LARGE1: variants seen among roughly 807,000 people sequenced by gnomAD.
LARGE1 encodes the protein LARGE xylosyl- and glucuronyltransferase 1.
LARGE1 carries 43 observed loss-of-function variants against 87.6 expected under a neutral mutation model. The observed-to-expected ratio is 0.49, with a 90% CI of 0.38 to 0.63. LARGE1 has a LOEUF of 0.63. Among genes scored for constraint, LARGE1 ranks in the 30% least tolerant of loss-of-function variants. LARGE1 has a pLI of 0.00. For missense variants in LARGE1, 802 were observed against 1,000.2 expected, an observed-to-expected ratio of 0.80 and a Z score of 2.67; for synonymous variants, 434 against 394.6, an observed-to-expected ratio of 1.10 and a Z score of -1.18.
chr22:33,474,320 T>A (rs1015785776), intron 6 of LARGE1, among the ~76,000 whole-genome samples: 1 of 152,150 alleles, frequency 6.6e-6, no homozygotes, highest in Non-Finnish European at 1.5e-5. Context: ...TGCACCACCA[T>A]GCCTGGCTAA....
chr22:33,096,193 A>T, the LARGE1 span, among the ~76,000 whole-genome samples: 1 of 152,098 alleles, frequency 6.6e-6, no homozygotes, highest in East Asian at 1.9e-4. Flanking sequence ...AGGCGGGTGG[A>T]TCACGTGAGG....
intron 7 of LARGE1, among the ~76,000 whole-genome samples, chr22:33,400,327 G>A (rs1171798017): frequency 6.6e-6 from 1 of 152,156 alleles, no homozygotes; most frequent in African/African-American, 2.4e-5. Context: ...ATAAAATGGA[G>A]CACAATGCAA....
At chr22:33,463,432 C>A (rs2068459820) in intron 6 of LARGE1, among the ~76,000 whole-genome samples, 1 of 151,774 alleles carries the variant, frequency 6.6e-6, no homozygotes, top group African/African-American at 2.4e-5. Flanking sequence ...GGGAATATTG[C>A]AAAATGTTAT....
chr22:33,427,691 G>C (rs924487454), intron 7 of LARGE1, among the ~76,000 whole-genome samples: 17 of 152,204 alleles, frequency 1.1e-4, no homozygotes, highest in Non-Finnish European at 1.9e-4. Flanking sequence ...TATGGTTAGG[G>C]GGATAAATAA....
At chr22:33,316,025 C>T in intron 11 of LARGE1, 60 bp downstream of exon 11, 2 of 1,577,836 alleles carry the variant, frequency 1.3e-6, no homozygotes, top group Non-Finnish European at 1.7e-6. Context: ...TCTCCATTCT[C>T]TATCCTCCAT....
At chr22:33,353,333 A>T (rs894669028) in intron 9 of LARGE1, among the ~76,000 whole-genome samples, 11 of 152,174 alleles carry the variant, frequency 7.2e-5, no homozygotes, top group Non-Finnish European at 2.9e-5. Context: ...GTTGCTTTAG[A>T]GATTTCTTTC....
chr22:33,880,057 C>A (rs1462864562), intron 1 of LARGE1, among the ~76,000 whole-genome samples: 3 of 152,228 alleles, frequency 2.0e-5, no homozygotes, highest in Admixed American at 6.5e-5. Context: ...CTGCTTTCAA[C>A]TGTAGCTTGG....
intron 1 of LARGE1, among the ~76,000 whole-genome samples, chr22:33,812,532 G>C (rs1439732095): frequency 1.3e-5 from 2 of 152,178 alleles, no homozygotes; most frequent in Non-Finnish European, 2.9e-5. Context: ...TTCCAGCCAG[G>C]GTGCATTGTC....
At chr22:33,517,075 A>T (rs1293851119) in intron 6 of LARGE1, among the ~76,000 whole-genome samples, 1 of 152,216 alleles carries the variant, frequency 6.6e-6, no homozygotes, top group Non-Finnish European at 1.5e-5. Flanking sequence ...AGAAGAGCTG[A>T]TGAAAATCCT....
chr22:33,176,432 T>C (rs1602048487), intron 11 of LARGE1, among the ~76,000 whole-genome samples: 1 of 152,110 alleles, frequency 6.6e-6, no homozygotes, highest in East Asian at 1.9e-4. Flanking sequence ...ATCCAGAATC[T>C]GCAAAGAATT....
intron 1 of LARGE1, among the ~76,000 whole-genome samples, chr22:33,854,343 A>G (rs1256700296): frequency 6.6e-6 from 1 of 151,830 alleles, no homozygotes; most frequent in African/African-American, 2.4e-5. Flanking sequence ...TCAGCAGTTG[A>G]TGGCAGAAAA....
intron 11 of LARGE1, among the ~76,000 whole-genome samples, chr22:33,179,987 C>A (rs959663285): frequency 1.3e-5 from 2 of 151,536 alleles, no homozygotes; most frequent in Admixed American, 1.3e-4. Context: ...AGAAGTCATG[C>A]AATATTTTGC....
chr22:33,884,030 C>G (rs2064773562), intron 1 of LARGE1, among the ~76,000 whole-genome samples: 1 of 152,218 alleles, frequency 6.6e-6, no homozygotes, highest in Non-Finnish European at 1.5e-5. Flanking sequence ...GTACTTAGAA[C>G]AGTGCCTCAT....
chr22:33,741,666 C>T (rs1030893860), intron 2 of LARGE1, among the ~76,000 whole-genome samples: 5 of 152,196 alleles, frequency 3.3e-5, no homozygotes, highest in Non-Finnish European at 7.3e-5. Context: ...TAATTTCTCA[C>T]GATGCCACAG....
chr22:33,167,603 G>A (rs1922341793), intron 11 of LARGE1, among the ~76,000 whole-genome samples: 3 of 152,152 alleles, frequency 2.0e-5, no homozygotes, highest in Non-Finnish European at 2.9e-5. Flanking sequence ...AATAATTCGA[G>A]ATTCAAAGAA....
At chr22:33,733,459 CAG>C (rs2083541058) in intron 2 of LARGE1, 2 of 152,198 alleles carry the variant, frequency 1.3e-5, no homozygotes, top group Admixed American at 6.5e-5. Flanking sequence ...TTAACACATC[CAG>C]AGTTATTTAC....
chr22:33,642,745 T>C (rs755938835), intron 3 of LARGE1, among the ~76,000 whole-genome samples: 31 of 111,854 alleles, frequency 2.8e-4, no homozygotes, highest in Non-Finnish European at 4.5e-4. Context: ...AGGCAGGAGA[T>C]GCAATCCTAG....
chr22:33,662,980 C>T (rs1160637613), intron 2 of LARGE1, among the ~76,000 whole-genome samples: 1 of 152,096 alleles, frequency 6.6e-6, no homozygotes, highest in East Asian at 1.9e-4. Flanking sequence ...ATCAGTTTGA[C>T]TTACATTAAA....
chr22:33,862,015 T>C (rs1027010124), intron 1 of LARGE1, among the ~76,000 whole-genome samples: 2 of 151,932 alleles, frequency 1.3e-5, no homozygotes, highest in Non-Finnish European at 1.5e-5. Flanking sequence ...CGCGCCACCA[T>C]GCCCGGCTCA....
Sources: allele counts gnomAD v4.1 joint callset (sites outside exome capture counted in the v4.1 genomes callset), GRCh38; gene constraint gnomAD v4.1.1; transcripts MANE v1.5; gene names NCBI Gene and HGNC (gene_info 2026-07-23, HGNC 2026-07-21).